ASXL1: variants seen among roughly 807,000 people sequenced by gnomAD.
The protein encoded by ASXL1 is ASXL transcriptional regulator 1, also known as polycomb group protein ASXL1.
In ASXL1, 65 loss-of-function variants were observed where a neutral mutation model predicts 89.1. The observed-to-expected ratio is 0.73, with a 90% CI of 0.60 to 0.90. The LOEUF (loss-of-function observed/expected upper bound fraction) is 0.90, where lower values mean the gene tolerates loss of function less well. Among genes scored for constraint, ASXL1 ranks in the 40% least tolerant of loss-of-function variants. The probability of loss-of-function intolerance (pLI) is 0.00; values close to 1 mark genes in which losing one functional copy is unlikely to be tolerated. For synonymous variants in ASXL1, 739 were observed against 746.9 expected, an observed-to-expected ratio of 0.99 and a Z score of 0.17; for missense variants, 1,786 against 1,942.9, an observed-to-expected ratio of 0.92 and a Z score of 1.52.
intron 3 of ASXL1, among the ~76,000 whole-genome samples, chr20:32,368,744 A>G (rs1488382200): frequency 6.6e-6 from 1 of 152,198 alleles, no homozygotes; most frequent in African/African-American, 2.4e-5. Flanking sequence ...ATTTCTTGGA[A>G]ATTTGATTTA....
rs899918507 is a variant in ASXL1 at position 32,421,237 on chromosome 20, TA to T, written c.253-6878del. Among the ~76,000 whole-genome samples, 8 of 147,690 alleles carry T rather than the reference TA, an allele frequency of 5.4e-5. No individual in the cohort carries two copies. In the East Asian group the frequency reaches 5.9e-4, roughly 11 times the overall value. On this transcript the variant is annotated intron_variant, in intron 4 of 12. Coordinates refer to ENST00000375687, the MANE Select transcript of ASXL1 (RefSeq NM_015338.6). ...GTATCCCAGAACTTAAAGTAAAATT[TA>T]AAAAAAAAAAAACTTCAAAAAAAAA...
intron 4 of ASXL1, among the ~76,000 whole-genome samples, chr20:32,408,118 A>C (rs2048985976): frequency 6.6e-6 from 1 of 151,974 alleles, no homozygotes; most frequent in South Asian, 2.1e-4. Flanking sequence ...TTTTTAGTAG[A>C]GATGGGGTTT....
At position 32,437,717 on chromosome 20, in the gene ASXL1, T is replaced by C. The variant is rs1292479308; in HGVS notation, c.*379T>C. 3.1e-6 allele frequency: 1 copy of C among 318,720 alleles called. No individual in the cohort carries two copies. The highest frequency in any genetic ancestry group is 5.9e-6 in the Non-Finnish European group (1 of 170,762). 19.7% of individuals were successfully genotyped at this position (318,720 alleles called of 1,614,324 possible). ...TTAACCTACCTGAACTAAGTAGAAATGCCAGTCTTCCACTACCCCCTCCCT... is the reference window on the plus strand; with the variant it reads ...TTAACCTACCTGAACTAAGTAGAAACGCCAGTCTTCCACTACCCCCTCCCT... On this transcript the variant is annotated 3_prime_UTR_variant, in exon 13 of 13. Coordinates refer to ENST00000375687, the MANE Select transcript of ASXL1 (RefSeq NM_015338.6).
intron 4 of ASXL1, among the ~76,000 whole-genome samples, chr20:32,420,567 A>G (rs1490357960): frequency 1.3e-5 from 2 of 152,118 alleles, no homozygotes; most frequent in Non-Finnish European, 2.9e-5. Context: ...AGAAACACTT[A>G]TTTGTATTAA....
chr20:32,423,483 C>A (rs1373526085), intron 4 of ASXL1, among the ~76,000 whole-genome samples: 1 of 151,580 alleles, frequency 6.6e-6, no homozygotes, highest in Non-Finnish European at 1.5e-5. Flanking sequence ...CAGGTGGTCC[C>A]CCCATCTCGG....
intron 10 of ASXL1, 55 bp downstream of exon 10, chr20:32,431,734 G>T: frequency 6.4e-7 from 1 of 1,561,708 alleles, no homozygotes; most frequent in Non-Finnish European, 8.8e-7. Context: ...GTGTGGTGTT[G>T]CATGTCTCCT....
chr20:32,375,838 C>T (rs539119906), intron 4 of ASXL1, among the ~76,000 whole-genome samples: 4 of 151,938 alleles, frequency 2.6e-5, no homozygotes, highest in East Asian at 3.9e-4. Context: ...CGTGACACCA[C>T]GCCTAGCTAA....
intron 4 of ASXL1, among the ~76,000 whole-genome samples, chr20:32,418,741 A>G (rs2049181994): frequency 2.7e-5 from 4 of 150,744 alleles, no homozygotes; most frequent in African/African-American, 9.7e-5. Flanking sequence ...AAATTCTGTA[A>G]AAGATCGTGT....
intron 1 of ASXL1, chr20:32,359,384 G>T (rs774496712): frequency 5.7e-6 from 4 of 702,356 alleles, no homozygotes; most frequent in South Asian, 4.4e-5. Context: ...CCTGAGCAGC[G>T]GTTCTCTAAC....
chr20:32,417,094 G>T (rs1023991993), intron 4 of ASXL1, among the ~76,000 whole-genome samples: 2 of 152,140 alleles, frequency 1.3e-5, no homozygotes, highest in African/African-American at 4.8e-5. Flanking sequence ...AGATTGACAG[G>T]TCTAGGTTAG....
At chr20:32,380,958 C>G (rs1452649303) in intron 4 of ASXL1, among the ~76,000 whole-genome samples, 1 of 150,776 alleles carries the variant, frequency 6.6e-6, no homozygotes, top group African/African-American at 2.5e-5. Context: ...TGGCCTTTGC[C>G]TACTTCTCGA....
At position 32,438,408 on chromosome 20, in the gene ASXL1, CCTT is replaced by C. The variant is rs1482997682; in HGVS notation, c.*1073_*1075del. 6 of 232,530 alleles carry C rather than the reference CCTT, an allele frequency of 2.6e-5. No individual in the cohort carries two copies. The highest frequency in any genetic ancestry group is 1.8e-4 in the South Asian group (1 of 5,530). The allele number at this position is 232,530 out of a possible 1,614,324, so 14.4% of individuals were successfully genotyped here. A position where few individuals can be genotyped will look rare whatever the true frequency, so the allele number is the denominator to read the frequency against. On this transcript the variant is annotated 3_prime_UTR_variant, in exon 13 of 13. Coordinates refer to ENST00000375687, the MANE Select transcript of ASXL1 (RefSeq NM_015338.6). The stretch of plus-strand genomic sequence containing the variant: ...TCATTGCATTAAAGTGGTGTAATCT[CCTT>C]CTCTACATCTGTTGTCAGAGCCACT...
intron 4 of ASXL1, among the ~76,000 whole-genome samples, chr20:32,412,774 A>G (rs2049072762): frequency 6.7e-6 from 1 of 148,586 alleles, no homozygotes; most frequent in African/African-American, 2.5e-5. Context: ...GCCTAGGCTT[A>G]TCTTGAACTC....
chr20:32,399,583 A>G (rs1160076901), intron 4 of ASXL1, among the ~76,000 whole-genome samples: 3 of 150,592 alleles, frequency 2.0e-5, no homozygotes, highest in South Asian at 4.2e-4. Flanking sequence ...TTATCCAAAC[A>G]TTAGGCTGCT....
At chr20:32,401,618 T>C (rs2048876616) in intron 4 of ASXL1, among the ~76,000 whole-genome samples, 1 of 146,054 alleles carries the variant, frequency 6.8e-6, no homozygotes, top group African/African-American at 2.6e-5. Flanking sequence ...TGCAGTGGTG[T>C]GATCTTGGCT....
intron 4 of ASXL1, among the ~76,000 whole-genome samples, chr20:32,384,004 T>C (rs2048533512): frequency 6.6e-6 from 1 of 152,092 alleles, no homozygotes; most frequent in Non-Finnish European, 1.5e-5. Flanking sequence ...GTTCTAGCCT[T>C]TTTAGATTGT....
chr20:32,377,005 G>A (rs1224711628), intron 4 of ASXL1, among the ~76,000 whole-genome samples: 1 of 138,304 alleles, frequency 7.2e-6, no homozygotes, highest in African/African-American at 2.6e-5. Flanking sequence ...GGAGGCTAAG[G>A]TGGGTGGATC....
intron 4 of ASXL1, among the ~76,000 whole-genome samples, chr20:32,392,420 T>C (rs1223436017): frequency 6.6e-6 from 1 of 151,498 alleles, no homozygotes; most frequent in Non-Finnish European, 1.5e-5. Flanking sequence ...GTAGCTGAGA[T>C]TACAGGTGCC....
At chr20:32,372,902 C>A (rs200121830) in intron 4 of ASXL1, among the ~76,000 whole-genome samples, 2 of 147,178 alleles carry the variant, frequency 1.4e-5, no homozygotes, top group African/African-American at 2.5e-5. Flanking sequence ...CTTCATTATT[C>A]TTTTGACATT....
Sources: gnomAD v4.1 joint callset for allele counts (sites outside exome capture counted in the v4.1 genomes callset) on GRCh38, gnomAD v4.1.1 for gene constraint, MANE v1.5 for transcripts, NCBI Gene and HGNC (gene_info 2026-07-23, HGNC 2026-07-21) for gene names.